Variants in DSE observed in about 807,000 individuals in gnomAD.
The protein encoded by DSE is dermatan sulfate epimerase, also known as dermatan-sulfate epimerase.
In DSE, 36 loss-of-function variants were observed where a neutral mutation model predicts 84.4. That is an observed-to-expected ratio of 0.43 (90% confidence interval 0.33 to 0.56). The LOEUF is 0.56. Among genes scored for constraint, DSE ranks in the 20% least tolerant of loss-of-function variants. The pLI, the probability that DSE is intolerant of heterozygous loss-of-function variation, is 0.06. For missense variants in DSE, 862 were observed against 1,169.6 expected (o/e 0.74, Z 3.84); for synonymous variants, 410 against 430.1 (o/e 0.95, Z 0.58).
intron 2 of DSE, among the ~76,000 whole-genome samples, chr6:116,299,317 G>C (rs1396346510): frequency 6.6e-6 from 1 of 151,624 alleles, no homozygotes; most frequent in African/African-American, 2.4e-5. Flanking sequence ...AAAAAAGAGA[G>C]GACTGAATGT....
At chr6:116,322,670 T>C (rs1362112850) in intron 2 of DSE, among the ~76,000 whole-genome samples, 1 of 152,086 alleles carries the variant, frequency 6.6e-6, no homozygotes, top group Non-Finnish European at 1.5e-5. Context: ...TTAAAGTAAA[T>C]AAAGAAAAAG....
intron 2 of DSE, among the ~76,000 whole-genome samples, chr6:116,421,436 T>TAC (rs1783066330): frequency 9.3e-6 from 1 of 106,998 alleles, no homozygotes; most frequent in Non-Finnish European, 1.8e-5. Context: ...AAAATAACTA[T>TAC]ATATACATAT....
intron 5 of DSE, among the ~76,000 whole-genome samples, chr6:116,435,038 TGTG>T (rs1400744277): frequency 1.3e-5 from 2 of 152,224 alleles, no homozygotes; most frequent in African/African-American, 4.8e-5. Flanking sequence ...TATTCTGAGA[TGTG>T]GTGTTGGTGA....
chr6:116,357,704 C>G (rs745423655), intron 2 of DSE, among the ~76,000 whole-genome samples: 3 of 152,130 alleles, frequency 2.0e-5, no homozygotes, highest in Non-Finnish European at 2.9e-5. Context: ...ACTTCCCCTA[C>G]CACAGAAATA....
At chr6:116,335,766 A>C (rs1277516462) in intron 2 of DSE, among the ~76,000 whole-genome samples, 2 of 152,134 alleles carry the variant, frequency 1.3e-5, no homozygotes, top group Non-Finnish European at 2.9e-5. Context: ...ATAAGTTACT[A>C]CAAGTCACTT....
intron 2 of DSE, among the ~76,000 whole-genome samples, chr6:116,421,702 C>T (rs1473465630): frequency 6.6e-6 from 1 of 151,692 alleles, no homozygotes; most frequent in South Asian, 2.1e-4. Flanking sequence ...CTCAGGCAAT[C>T]CTCCTACCTT....
intron 1 of DSE, among the ~76,000 whole-genome samples, chr6:116,372,477 C>A (rs537306977): frequency 6.6e-6 from 1 of 152,242 alleles, no homozygotes; most frequent in Admixed American, 6.5e-5. Flanking sequence ...AAACAAAATT[C>A]TCAATGATAA....
At chr6:116,299,463 T>C (rs1774858585) in intron 2 of DSE, among the ~76,000 whole-genome samples, 1 of 147,462 alleles carries the variant, frequency 6.8e-6, no homozygotes. Flanking sequence ...GAACTAGAAA[T>C]GTAAATAAAT....
chr6:116,275,048 A>C (rs180820388), intron 2 of DSE, among the ~76,000 whole-genome samples: 27 of 152,362 alleles, frequency 1.8e-4, no homozygotes, highest in African/African-American at 6.5e-4. Flanking sequence ...TGCAATCAAT[A>C]TGAAAAAAAT....
intron 2 of DSE, among the ~76,000 whole-genome samples, chr6:116,276,191 CAGAAG>C (rs1340729637): frequency 4.6e-5 from 7 of 151,978 alleles, no homozygotes; most frequent in Non-Finnish European, 1.0e-4. Context: ...AAGGATTTGA[CAGAAG>C]AGAACAGTGA....
chr6:116,390,822 T>C (rs1404282308), intron 1 of DSE, among the ~76,000 whole-genome samples: 1 of 152,218 alleles, frequency 6.6e-6, no homozygotes, highest in Non-Finnish European at 1.5e-5. Context: ...TGTACACTCG[T>C]ATCTCTACCC....
At chr6:116,428,955 C>CAAAG (rs770596330) in intron 3 of DSE, among the ~76,000 whole-genome samples, 2 of 152,092 alleles carry the variant, frequency 1.3e-5, no homozygotes, top group Admixed American at 6.6e-5. Context: ...TTGCAGTTTA[C>CAAAG]AAAGTATTTT....
rs1414390338 is a variant in DSE, at chr6:116,437,034, A to C, written c.2566A>C (p.Met856Leu). ...KELPIDEDEE[M>L]KDLLDFADVT... ...ACTACCCATAGATGAAGATGAAGAAATGAAAGACCTTTTAGATTTTGCAGA... is the reference window on the plus strand; with the variant it reads ...ACTACCCATAGATGAAGATGAAGAACTGAAAGACCTTTTAGATTTTGCAGA... Residue 856 changes from methionine to leucine, a missense_variant, in exon 6 of 6, where the codon ATG becomes CTG. By Grantham distance (15) the Met-to-Leu change is conservative (BLOSUM62 2). Coordinates refer to ENST00000644252, the MANE Select transcript of DSE (RefSeq NM_013352.4). 5 of 1,614,002 alleles carry C rather than the reference A, an allele frequency of 3.1e-6. No individual in the cohort carries two copies. In the East Asian group the frequency reaches 8.9e-5, roughly 29 times the overall value.
intron 2 of DSE, among the ~76,000 whole-genome samples, chr6:116,280,909 G>A (rs1033552104): frequency 1.3e-5 from 2 of 152,222 alleles, no homozygotes; most frequent in Non-Finnish European, 2.9e-5. Flanking sequence ...GTATAAAAGA[G>A]GCAAACGTTA....
At chr6:116,386,351 A>C (rs1478248929) in intron 1 of DSE, among the ~76,000 whole-genome samples, 1 of 152,266 alleles carries the variant, frequency 6.6e-6, no homozygotes. Context: ...GACCACCATC[A>C]GCCTTGGCAA....
chr6:116,256,055 T>A (rs368710701), intron 1 of DSE: 6 of 152,300 alleles, frequency 3.9e-5, no homozygotes, highest in Admixed American at 3.9e-4. Context: ...TACATTAGAT[T>A]TTATAAACAA....
chr6:116,391,073 G>A (rs1454435737), intron 1 of DSE, among the ~76,000 whole-genome samples: 4 of 152,074 alleles, frequency 2.6e-5, no homozygotes, highest in Admixed American at 2.0e-4. Flanking sequence ...ATGTTTGTGA[G>A]CACTTTAAAC....
rs574631432 is a variant in DSE at position 116,433,122 on chromosome 6, A to C, written c.911-221A>C. On this transcript the variant is annotated intron_variant, in intron 4 of 5. Transcript: ENST00000644252. ...AATGTTACCAAGGACAGGTTACCAC[A>C]TAATAAATACAAGCTTGCACACAAC... 7.2e-6 allele frequency: 4 copies of C among 554,892 alleles called. No individual in the cohort carries two copies. The East Asian group carries it at 1.3e-4, about 17-fold the overall frequency. 34.4% of individuals were successfully genotyped at this position (554,892 alleles called of 1,614,324 possible).
At chr6:116,382,816 T>C (rs1583139848) in intron 1 of DSE, among the ~76,000 whole-genome samples, 1 of 152,086 alleles carries the variant, frequency 6.6e-6, no homozygotes, top group Admixed American at 6.6e-5. Flanking sequence ...ATGGTGGGAA[T>C]TGAGGTAAGT....
Sources: gnomAD v4.1 joint callset for allele counts (sites outside exome capture counted in the v4.1 genomes callset) on GRCh38, gnomAD v4.1.1 for gene constraint, MANE v1.5 for transcripts, NCBI Gene and HGNC (gene_info 2026-07-23, HGNC 2026-07-21) for gene names.